DMRT1: variants seen among roughly 807,000 people sequenced by gnomAD.
The protein encoded by DMRT1 is doublesex and mab-3 related transcription factor 1, also known as doublesex- and mab-3-related transcription factor 1.
A neutral mutation model predicts 32.3 loss-of-function variants in DMRT1; 7 were observed. The ratio of observed to expected loss-of-function variants is 0.22; its 90% CI spans 0.12 to 0.41. The LOEUF is 0.41. Among genes scored for constraint, DMRT1 ranks in the 10% least tolerant of loss-of-function variants. The pLI, the probability that DMRT1 is intolerant of heterozygous loss-of-function variation, is 1.00. For missense variants in DMRT1, 625 were observed against 500.5 expected, an observed-to-expected ratio of 1.25 and a Z score of -2.37; for synonymous variants, 278 against 206.1, an observed-to-expected ratio of 1.35 and a Z score of -2.99.
chr9:858,435 GT>G (rs892072090), intron 2 of DMRT1, among the ~76,000 whole-genome samples: 1 of 152,142 alleles, frequency 6.6e-6, no homozygotes, highest in African/African-American at 2.4e-5. Flanking sequence ...TTACTTGGTG[GT>G]TTGAGGATCC....
At position 916,914 on chromosome 9, in the gene DMRT1, G is replaced by T. The variant is rs377603746; in HGVS notation, c.967+7G>T. 7.4e-6 allele frequency: 12 copies of T among 1,614,056 alleles called. No individual in the cohort carries two copies. Among genetic ancestry groups the T allele is most frequent in the Non-Finnish European group, 9.3e-6 (11 of 1,180,040 alleles). ...CCGGAAGCCAGGGCGAGCGGTAGGT[G>T]TCTGGTCACACAGACTGGATTTGGG... On this transcript the variant is annotated splice_region_variant and intron_variant, in intron 4 of 4. Transcript: ENST00000382276.
At chr9:888,100 G>T (rs529797618) in intron 2 of DMRT1, among the ~76,000 whole-genome samples, 2 of 152,250 alleles carry the variant, frequency 1.3e-5, no homozygotes, top group African/African-American at 4.8e-5. Context: ...CAAATAGTAG[G>T]TGCTTAATAA....
At chr9:915,019 C>T (rs917686645) in intron 3 of DMRT1, among the ~76,000 whole-genome samples, 3 of 152,158 alleles carry the variant, frequency 2.0e-5, no homozygotes, top group Admixed American at 2.0e-4. Flanking sequence ...GTGCTATTTT[C>T]TTTTTCAAGT....
intron 3 of DMRT1, among the ~76,000 whole-genome samples, chr9:898,954 G>A (rs1029111176): frequency 2.0e-5 from 3 of 152,044 alleles, no homozygotes; most frequent in Non-Finnish European, 4.4e-5. Flanking sequence ...TCTCATCAGT[G>A]TTTTATAGTT....
At chr9:933,301 G>C (rs867782886) in intron 4 of DMRT1, among the ~76,000 whole-genome samples, 1 of 152,154 alleles carries the variant, frequency 6.6e-6, no homozygotes, top group South Asian at 2.1e-4. Context: ...CTGCCACCAA[G>C]TCACTTTATT....
intron 3 of DMRT1, among the ~76,000 whole-genome samples, chr9:899,112 G>A (rs906572359): frequency 6.6e-6 from 1 of 151,832 alleles, no homozygotes; most frequent in Non-Finnish European, 1.5e-5. Flanking sequence ...TTTGTATCCT[G>A]TAGGATAACT....
At chr9:909,062 T>A (rs1817881135) in intron 3 of DMRT1, among the ~76,000 whole-genome samples, 1 of 152,116 alleles carries the variant, frequency 6.6e-6, no homozygotes. Flanking sequence ...CCTGCCTCGG[T>A]TCTTTCCTCC....
At chr9:901,615 C>T (rs571067971) in intron 3 of DMRT1, among the ~76,000 whole-genome samples, 1 of 152,190 alleles carries the variant, frequency 6.6e-6, no homozygotes, top group East Asian at 1.9e-4. Context: ...GCGGGAGCCA[C>T]CGCGCCCGGC....
chr9:914,426 T>C (rs1031065342), intron 3 of DMRT1, among the ~76,000 whole-genome samples: 2 of 151,716 alleles, frequency 1.3e-5, no homozygotes, highest in African/African-American at 4.8e-5. Context: ...TGCAAAAAAT[T>C]AGCCAGGCAT....
intron 2 of DMRT1, among the ~76,000 whole-genome samples, chr9:877,128 A>T (rs1481515461): frequency 6.6e-6 from 1 of 152,264 alleles, no homozygotes; most frequent in Non-Finnish European, 1.5e-5. Flanking sequence ...ATTGGATTTA[A>T]TTCTCTGTGG....
intron 4 of DMRT1, among the ~76,000 whole-genome samples, chr9:945,158 T>C (rs1819200891): frequency 6.6e-6 from 1 of 152,166 alleles, no homozygotes; most frequent in Non-Finnish European, 1.5e-5. Flanking sequence ...TTTCTTTCTT[T>C]CTTTCTTTTT....
At chr9:856,045 C>A (rs12351742) in intron 2 of DMRT1, among the ~76,000 whole-genome samples, 1 of 151,742 alleles carries the variant, frequency 6.6e-6, no homozygotes, top group Admixed American at 6.6e-5. Flanking sequence ...GCCTTCTGAG[C>A]AGCTGGGATT....
chr9:866,422 A>G (rs1398263146), intron 2 of DMRT1, among the ~76,000 whole-genome samples: 1 of 151,020 alleles, frequency 6.6e-6, no homozygotes, highest in Non-Finnish European at 1.5e-5. Context: ...GGGAAGCTGA[A>G]CTAGGTGTGT....
At chr9:855,062 C>A (rs1056469549) in intron 2 of DMRT1, among the ~76,000 whole-genome samples, 6 of 151,736 alleles carry the variant, frequency 4.0e-5, no homozygotes, top group Admixed American at 3.9e-4. Context: ...CCACCATGCC[C>A]GGCCAGGGAC....
At chr9:939,702 CG>C (rs1386770113) in intron 4 of DMRT1, among the ~76,000 whole-genome samples, 2 of 152,092 alleles carry the variant, frequency 1.3e-5, no homozygotes, top group Admixed American at 6.6e-5. Flanking sequence ...TACAAGCTCA[CG>C]GGGGGAAAAG....
chr9:933,741 C>T (rs1018102596), intron 4 of DMRT1, among the ~76,000 whole-genome samples: 11 of 152,148 alleles, frequency 7.2e-5, no homozygotes, highest in African/African-American at 2.7e-4. Flanking sequence ...CTAGTTATAT[C>T]GTATTGGATA....
At position 866,163 on chromosome 9, in the gene DMRT1, C is replaced by CA. The variant is rs71327351; in HGVS notation, c.538+19043dup. The stretch of plus-strand genomic sequence containing the variant: ...TGGGTGACAGAGTGAGAGTCCATCT[C>CA]AAAAAAAAAAAAAAAAAAAAAAAGA... On this transcript the variant is annotated intron_variant, in intron 2 of 4. Coordinates refer to ENST00000382276, the MANE Select transcript of DMRT1 (RefSeq NM_021951.3). 5.3e-3 allele frequency among the ~76,000 whole-genome samples: 280 copies of CA among 52,582 alleles called. 34 individuals are homozygous for CA. The highest frequency in any genetic ancestry group is 0.013 in the African/African-American group (153 of 11,890). 34.5% of individuals were successfully genotyped at this position (52,582 alleles called of 152,430 possible).
chr9:946,695 A>G (rs1819257473), intron 4 of DMRT1, among the ~76,000 whole-genome samples: 1 of 152,192 alleles, frequency 6.6e-6, no homozygotes, highest in South Asian at 2.1e-4. Flanking sequence ...TCTCCCCAAA[A>G]TAAAACCAGA....
intron 4 of DMRT1, among the ~76,000 whole-genome samples, chr9:918,763 C>T (rs933714868): frequency 3.3e-5 from 5 of 152,106 alleles, no homozygotes; most frequent in African/African-American, 9.7e-5. Context: ...GAATTATCTT[C>T]GAGAAGGAGT....
Sources: gnomAD v4.1 joint callset for allele counts (sites outside exome capture counted in the v4.1 genomes callset) on GRCh38, gnomAD v4.1.1 for gene constraint, MANE v1.5 for transcripts, NCBI Gene and HGNC (gene_info 2026-07-23, HGNC 2026-07-21) for gene names.